The following ABCD3 variants were observed in gnomAD, a reference collection of about 807,000 sequenced individuals.
ABCD3 encodes ATP binding cassette subfamily D member 3.
Under a neutral mutation model 105.5 loss-of-function variants are expected in ABCD3, and 41 were observed. That is an observed-to-expected ratio of 0.39 (90% CI 0.30 to 0.50). The LOEUF is 0.50. Ranked by LOEUF, ABCD3 falls within the 20% of genes least tolerant of loss-of-function variation. The pLI is 0.84. For synonymous variants in ABCD3, 258 were observed against 269.0 expected, an observed-to-expected ratio of 0.96 and a Z score of 0.40; for missense variants, 622 against 806.3, an observed-to-expected ratio of 0.77 and a Z score of 2.77.
intron 10 of ABCD3, among the ~76,000 whole-genome samples, chr1:94,487,099 TA>T (rs896396846): frequency 6.6e-5 from 10 of 152,166 alleles, no homozygotes; most frequent in African/African-American, 2.2e-4. Flanking sequence ...AATTCTTAGA[TA>T]AAGCACAGAC....
chr1:94,402,017 G>T, the ABCD3 span, among the ~76,000 whole-genome samples: 2 of 152,174 alleles, frequency 1.3e-5, no homozygotes, highest in Admixed American at 1.3e-4. Context: ...CATTGGTTCT[G>T]CCTGTTCTCG....
At chr1:94,444,199 G>A (rs1660249918) in intron 1 of ABCD3, among the ~76,000 whole-genome samples, 1 of 151,936 alleles carries the variant, frequency 6.6e-6, no homozygotes, top group Non-Finnish European at 1.5e-5. Context: ...GGGCATGGTG[G>A]TGTGCGCCTG....
At chr1:94,510,799 G>A (rs1049734862) in intron 21 of ABCD3, among the ~76,000 whole-genome samples, 3 of 151,982 alleles carry the variant, frequency 2.0e-5, no homozygotes, top group African/African-American at 7.3e-5. Context: ...TTTATCAGAG[G>A]CTAGGATCAC....
At chr1:94,499,438 A>G (rs1043482374) in intron 19 of ABCD3, 57 bp from the exon 20 acceptor site, 5 of 1,535,980 alleles carry the variant, frequency 3.3e-6, no homozygotes, top group East Asian at 4.5e-5. Context: ...ATAAACCACT[A>G]TTAAGAATGT....
intron 1 of ABCD3, among the ~76,000 whole-genome samples, chr1:94,456,889 T>C (rs1033320125): frequency 6.6e-6 from 1 of 152,208 alleles, no homozygotes; most frequent in Non-Finnish European, 1.5e-5. Flanking sequence ...AGTGTTCTCT[T>C]TTCTCCACGT....
In ABCD3 at chr1:94,517,397, AT is replaced by A. The variant is rs1339571195; in HGVS notation, c.*270del. The A allele has an allele frequency of 7.8e-6, 3 of 384,400 alleles. No homozygotes were observed. The highest frequency in any genetic ancestry group is 6.3e-5 in the African/African-American group (3 of 47,776). 23.8% of individuals were successfully genotyped at this position (384,400 alleles called of 1,614,324 possible). A position where few individuals can be genotyped will look rare whatever the true frequency, so the allele number is the denominator to read the frequency against. ...GTGGTTAAAAACCTGCCTAAATTAA[AT>A]TGGGCTTCAATCACTGTAACCTGAT... On this transcript the variant is annotated 3_prime_UTR_variant, in exon 23 of 23. Coordinates refer to ENST00000370214, the MANE Select transcript of ABCD3 (RefSeq NM_002858.4).
chr1:94,441,750 C>A (rs1461170115), intron 1 of ABCD3, among the ~76,000 whole-genome samples: 1 of 151,984 alleles, frequency 6.6e-6, no homozygotes, highest in African/African-American at 2.4e-5. Context: ...GATATGCTAT[C>A]TTTTATGTAA....
chr1:94,476,781 TTGCTAACTG>T, intron 7 of ABCD3, among the ~76,000 whole-genome samples: 1 of 152,292 alleles, frequency 6.6e-6, no homozygotes, highest in South Asian at 2.1e-4. Context: ...CCAGAAGCCT[TTGCTAACTG>T]ATCCCAAACT....
chr1:94,480,059 G>A (rs1648964098), intron 8 of ABCD3, among the ~76,000 whole-genome samples: 1 of 151,216 alleles, frequency 6.6e-6, no homozygotes, highest in South Asian at 2.1e-4. Context: ...GATGAGAAGA[G>A]AACTAAGGAA....
chr1:94,506,427 T>G, intron 20 of ABCD3, 111 bp from the exon 21 acceptor site: 1 of 682,540 alleles, frequency 1.5e-6, no homozygotes. Flanking sequence ...AGAATAATTT[T>G]TATACTTTTG....
chr1:94,456,937 T>G (rs1647602403), intron 1 of ABCD3, among the ~76,000 whole-genome samples: 1 of 152,202 alleles, frequency 6.6e-6, no homozygotes, highest in Admixed American at 6.5e-5. Context: ...TTGATAATAG[T>G]CATCCTAAGA....
chr1:94,393,901 A>T, the ABCD3 span, among the ~76,000 whole-genome samples: 2 of 152,192 alleles, frequency 1.3e-5, no homozygotes, highest in African/African-American at 2.4e-5. Flanking sequence ...CCTGAACCTG[A>T]TGTAGAGCCT....
the ABCD3 span, among the ~76,000 whole-genome samples, chr1:94,386,404 G>C: frequency 2.6e-5 from 4 of 152,212 alleles, no homozygotes. Flanking sequence ...AAATTACTAA[G>C]ATAACCTGGG....
chr1:94,390,903 A>G, the ABCD3 span, among the ~76,000 whole-genome samples: 3 of 152,216 alleles, frequency 2.0e-5, no homozygotes, highest in East Asian at 5.8e-4. Context: ...TGGCTTCTCT[A>G]TGCCCCCATT....
In ABCD3 at chr1:94,489,634, A is replaced by T. The variant is rs573384952; in HGVS notation, c.1158-91A>T. On this transcript the variant is annotated intron_variant, in intron 13 of 22. Coordinates refer to ENST00000370214, the MANE Select transcript of ABCD3 (RefSeq NM_002858.4). ...TGTTAGGTTACTTCATTTATACTAA[A>T]TTATAATTTTAGGAACTTCAGTTTG... 5.0e-4 allele frequency: 439 copies of T among 881,758 alleles called. 7 individuals carry two copies. In the South Asian group the frequency reaches 5.9e-3, roughly 12 times the overall value. 54.6% of individuals were successfully genotyped at this position (881,758 alleles called of 1,614,324 possible). A position where few individuals can be genotyped will look rare whatever the true frequency, so the allele number is the denominator to read the frequency against.
chr1:94,492,390 ACTTT>A (rs1022048963), intron 16 of ABCD3, among the ~76,000 whole-genome samples: 19 of 152,210 alleles, frequency 1.2e-4, no homozygotes, highest in African/African-American at 4.1e-4. Flanking sequence ...GCACATGTCT[ACTTT>A]CTTCTCAATG....
the ABCD3 span, among the ~76,000 whole-genome samples, chr1:94,402,041 T>C: frequency 6.6e-6 from 1 of 152,248 alleles, no homozygotes; most frequent in African/African-American, 2.4e-5. Flanking sequence ...TTGTATTCAT[T>C]GAATCAAGTA....
At chr1:94,429,136 G>C (rs1326088476) in intron 1 of ABCD3, among the ~76,000 whole-genome samples, 1 of 152,208 alleles carries the variant, frequency 6.6e-6, no homozygotes, top group Non-Finnish European at 1.5e-5. Flanking sequence ...TTTTGACCCT[G>C]CCTTAGAGAT....
At position 94,438,235 on chromosome 1, in the gene ABCD3, C is replaced by T. The variant is rs565815930; in HGVS notation, c.110+19647C>T. The stretch of plus-strand genomic sequence containing the variant: ...CTGGGAGGCAGAGGTTGCAGTGAGC[C>T]GAGATCACATCATTGCACTCCAGCC... On this transcript the variant is annotated intron_variant, in intron 1 of 22. Transcript: ENST00000370214. 2.7e-5 allele frequency among the ~76,000 whole-genome samples: 4 copies of T among 150,366 alleles called. No individual in the cohort carries two copies. In the South Asian group the frequency reaches 6.3e-4, roughly 24 times the overall value.
Sources: allele counts gnomAD v4.1 joint callset (sites outside exome capture counted in the v4.1 genomes callset), GRCh38; gene constraint gnomAD v4.1.1; transcripts MANE v1.5; gene names NCBI Gene and HGNC (gene_info 2026-07-23, HGNC 2026-07-21).